NT5DC1: variants seen among roughly 807,000 people sequenced by gnomAD.
The protein encoded by NT5DC1 is 5'-nucleotidase domain-containing protein 1.
Under a neutral mutation model 59.4 loss-of-function variants are expected in NT5DC1, and 42 were observed. The ratio of observed to expected loss-of-function variants is 0.71; its 90% confidence interval spans 0.55 to 0.92. NT5DC1 has a LOEUF of 0.92. Among genes scored for constraint, NT5DC1 ranks in the 40% least tolerant of loss-of-function variants. NT5DC1 has a pLI of 0.00. For missense variants in NT5DC1, 501 were observed against 537.1 expected (o/e 0.93, Z 0.66); for synonymous variants, 172 against 188.1 (o/e 0.91, Z 0.70).
rs1779329077 is a variant in NT5DC1, at chr6:116,126,847, A to G, written c.529+8902A>G. On this transcript the variant is annotated intron_variant, in intron 6 of 11. Coordinates refer to ENST00000319550, the MANE Select transcript of NT5DC1 (RefSeq NM_152729.3). ...AAAAAAATTTTCAAACTTTGCTTTC[A>G]GCTTAAAAAAAATATTATTGGCTTA... Among the ~76,000 whole-genome samples the G allele has an allele frequency of 1.3e-5, 2 of 152,134 alleles. 1 individual carries two copies. The highest frequency in any genetic ancestry group is 4.1e-4 in the South Asian group (2 of 4,834).
chr6:116,159,869 G>A (rs1305890314), intron 6 of NT5DC1, among the ~76,000 whole-genome samples: 1 of 151,980 alleles, frequency 6.6e-6, no homozygotes, highest in Non-Finnish European at 1.5e-5. Flanking sequence ...TGCGATATTT[G>A]TTTTTTTGTT....
At chr6:116,187,390 G>A (rs1781023694) in intron 6 of NT5DC1, among the ~76,000 whole-genome samples, 1 of 152,026 alleles carries the variant, frequency 6.6e-6, no homozygotes, top group South Asian at 2.1e-4. Context: ...AAATGAAAAG[G>A]GCCATGAAGA....
At chr6:116,171,824 T>C (rs1173964080) in intron 6 of NT5DC1, among the ~76,000 whole-genome samples, 1 of 152,212 alleles carries the variant, frequency 6.6e-6, no homozygotes, top group African/African-American at 2.4e-5. Flanking sequence ...ATGTGCAATT[T>C]GTAAATTTAG....
chr6:116,219,531 C>G (rs945043247), intron 6 of NT5DC1, among the ~76,000 whole-genome samples: 5 of 152,144 alleles, frequency 3.3e-5, no homozygotes, highest in Non-Finnish European at 5.9e-5. Flanking sequence ...CACAGACCCC[C>G]TCAGAGGAAG....
intron 11 of NT5DC1, among the ~76,000 whole-genome samples, chr6:116,241,306 A>T (rs1026608749): frequency 6.6e-5 from 10 of 152,186 alleles, no homozygotes; most frequent in Non-Finnish European, 1.5e-4. Flanking sequence ...ATATAAGTAT[A>T]TGGTGTAAGT....
At chr6:116,241,886 G>C (rs532641562) in intron 11 of NT5DC1, among the ~76,000 whole-genome samples, 5 of 132,322 alleles carry the variant, frequency 3.8e-5, no homozygotes, top group African/African-American at 1.5e-4. Context: ...TCGCGCCACT[G>C]CACTCCAGCC....
intron 6 of NT5DC1, among the ~76,000 whole-genome samples, chr6:116,157,197 T>C (rs937897431): frequency 4.6e-5 from 7 of 152,216 alleles, no homozygotes; most frequent in African/African-American, 1.7e-4. Flanking sequence ...CTCTACCTCA[T>C]GTTTTCATTA....
intron 6 of NT5DC1, among the ~76,000 whole-genome samples, chr6:116,179,798 C>T (rs1178305899): frequency 1.3e-5 from 2 of 152,046 alleles, no homozygotes; most frequent in Non-Finnish European, 2.9e-5. Context: ...CTGAGGATAA[C>T]TTAGAGTAAT....
chr6:116,135,090 G>A (rs988961882), intron 6 of NT5DC1, among the ~76,000 whole-genome samples: 1 of 152,118 alleles, frequency 6.6e-6, no homozygotes, highest in Non-Finnish European at 1.5e-5. Context: ...ACTCTTCAAT[G>A]TATTAAAAAT....
chr6:116,223,316 G>A (rs575682915), intron 8 of NT5DC1, among the ~76,000 whole-genome samples, 185 bp downstream of exon 8: 1 of 152,278 alleles, frequency 6.6e-6, no homozygotes, highest in Non-Finnish European at 1.5e-5. Flanking sequence ...TTGCATGTCA[G>A]TCTCTCCCCA....
intron 6 of NT5DC1, among the ~76,000 whole-genome samples, chr6:116,201,233 A>T (rs1397463610): frequency 6.6e-6 from 1 of 152,092 alleles, no homozygotes; most frequent in Non-Finnish European, 1.5e-5. Flanking sequence ...AACTACAATT[A>T]GTTACCTCTA....
intron 6 of NT5DC1, among the ~76,000 whole-genome samples, chr6:116,218,576 T>G (rs1015095032): frequency 6.6e-5 from 10 of 152,184 alleles, no homozygotes; most frequent in African/African-American, 2.4e-4. Flanking sequence ...ATTATTATCA[T>G]CTGTTTCTTA....
intron 6 of NT5DC1, among the ~76,000 whole-genome samples, chr6:116,129,825 G>A (rs1388970131): frequency 6.6e-6 from 1 of 152,112 alleles, no homozygotes; most frequent in African/African-American, 2.4e-5. Context: ...GCAATTTCCT[G>A]TGATCTAGAA....
At chr6:116,130,829 T>C (rs1351119103) in intron 6 of NT5DC1, among the ~76,000 whole-genome samples, 1 of 152,118 alleles carries the variant, frequency 6.6e-6, no homozygotes, top group East Asian at 1.9e-4. Flanking sequence ...TATTCCATGA[T>C]ACTCACAATT....
chr6:116,124,381 T>C (rs989598096), intron 6 of NT5DC1, among the ~76,000 whole-genome samples: 1 of 152,182 alleles, frequency 6.6e-6, no homozygotes, highest in South Asian at 2.1e-4. Flanking sequence ...TGCTGTTAAA[T>C]AAAATTAGTG....
chr6:116,218,973 G>C (rs1238027173), intron 6 of NT5DC1, among the ~76,000 whole-genome samples: 1 of 152,114 alleles, frequency 6.6e-6, no homozygotes, highest in Non-Finnish European at 1.5e-5. Context: ...GTGGTGGTTA[G>C]AGTTAGTCAG....
chr6:116,145,566 C>A, intron 6 of NT5DC1: 1 of 242,706 alleles, frequency 4.1e-6, no homozygotes, highest in Non-Finnish European at 9.3e-6. Context: ...ATGGATTATT[C>A]TTGAGATTGT....
At chr6:116,151,636 G>C (rs942192315) in intron 6 of NT5DC1, among the ~76,000 whole-genome samples, 4 of 152,132 alleles carry the variant, frequency 2.6e-5, no homozygotes, top group Non-Finnish European at 5.9e-5. Flanking sequence ...TGGCAAATGT[G>C]ATATTGGATT....
chr6:116,214,080 T>A (rs1362387109), intron 6 of NT5DC1, among the ~76,000 whole-genome samples: 1 of 152,086 alleles, frequency 6.6e-6, no homozygotes, highest in African/African-American at 2.4e-5. Context: ...AGAATTAAAA[T>A]TTTTAAGTAA....
Sources: allele counts gnomAD v4.1 joint callset (sites outside exome capture counted in the v4.1 genomes callset), GRCh38; gene constraint gnomAD v4.1.1; transcripts MANE v1.5; gene names NCBI Gene and HGNC (gene_info 2026-07-23, HGNC 2026-07-21).